SUPT3H: variants seen among roughly 807,000 people sequenced by gnomAD.
The protein encoded by SUPT3H is SPT3 homolog, SAGA and STAGA complex component.
In SUPT3H, 44 loss-of-function variants were observed where a neutral mutation model predicts 44.3. The ratio of observed to expected loss-of-function variants is 0.99; its 90% CI spans 0.78 to 1.28. The LOEUF (loss-of-function observed/expected upper bound fraction) is 1.28, where lower values mean the gene tolerates loss of function less well. Among genes scored for constraint, SUPT3H ranks in the 50% most tolerant of loss-of-function variants. The pLI is 0.00. For missense variants in SUPT3H, 380 were observed against 387.1 expected (o/e 0.98, Z 0.15); for synonymous variants, 124 against 125.6 (o/e 0.99, Z 0.09).
chr6:45,367,351 C>G (rs903929829), intron 1 of SUPT3H, among the ~76,000 whole-genome samples: 3 of 151,956 alleles, frequency 2.0e-5, no homozygotes, highest in Non-Finnish European at 2.9e-5. Flanking sequence ...AAGACCATCG[C>G]TTTTTTTAAG....
intron 3 of SUPT3H, among the ~76,000 whole-genome samples, chr6:45,057,820 G>C (rs2153540114): frequency 6.6e-6 from 1 of 152,242 alleles, no homozygotes; most frequent in East Asian, 1.9e-4. Context: ...GAAAGCCACA[G>C]TGTGAGGGGG....
intron 2 of SUPT3H, among the ~76,000 whole-genome samples, chr6:45,118,093 C>T (rs1204676775): frequency 1.3e-5 from 2 of 151,910 alleles, no homozygotes; most frequent in African/African-American, 4.8e-5. Flanking sequence ...AGTATAAAGT[C>T]TATAACTTAA....
intron 10 of SUPT3H, among the ~76,000 whole-genome samples, chr6:44,872,547 A>G (rs1437758714): frequency 6.6e-6 from 1 of 152,170 alleles, no homozygotes; most frequent in African/African-American, 2.4e-5. Context: ...CAAAATCATG[A>G]CAAAATGTAA....
intron 6 of SUPT3H, among the ~76,000 whole-genome samples, chr6:44,970,703 G>A (rs1777448492): frequency 6.6e-6 from 1 of 151,942 alleles, no homozygotes. Context: ...ATAATATCTA[G>A]ATGAGCTGAA....
intron 10 of SUPT3H, among the ~76,000 whole-genome samples, chr6:44,903,497 TG>T (rs1350641246): frequency 6.6e-6 from 1 of 152,192 alleles, no homozygotes; most frequent in Non-Finnish European, 1.5e-5. Flanking sequence ...TTTGAATCTC[TG>T]AATAGACCAA....
chr6:45,305,555 T>C (rs934044574), intron 2 of SUPT3H, among the ~76,000 whole-genome samples: 2 of 152,370 alleles, frequency 1.3e-5, no homozygotes, highest in South Asian at 2.1e-4. Flanking sequence ...CCTTTCTTTA[T>C]GTGGTTTTAG....
intron 10 of SUPT3H, among the ~76,000 whole-genome samples, chr6:44,842,470 A>G (rs1433215367): frequency 1.3e-5 from 2 of 152,182 alleles, no homozygotes; most frequent in African/African-American, 4.8e-5. Context: ...AAGTGGTATC[A>G]GTGTCAGGAC....
chr6:44,842,513 T>C (rs1483728748), intron 10 of SUPT3H, among the ~76,000 whole-genome samples: 3 of 152,124 alleles, frequency 2.0e-5, no homozygotes, highest in Admixed American at 1.3e-4. Context: ...TGCTGTCCAA[T>C]TGTCTTGGGA....
At chr6:44,835,234 T>C (rs1769612976) in intron 10 of SUPT3H, among the ~76,000 whole-genome samples, 1 of 152,078 alleles carries the variant, frequency 6.6e-6, no homozygotes, top group South Asian at 2.1e-4. Flanking sequence ...TGGAGCTGTT[T>C]GGAGTTGGCA....
At chr6:45,037,685 T>C (rs1191657127) in intron 3 of SUPT3H, among the ~76,000 whole-genome samples, 3 of 149,688 alleles carry the variant, frequency 2.0e-5, no homozygotes, top group Non-Finnish European at 3.0e-5. Flanking sequence ...AATTAATTAA[T>C]TAAATAAAAA....
chr6:44,937,862 A>G lies in SUPT3H; in HGVS notation c.802-5099T>C, dbSNP rs556710239. Among the ~76,000 whole-genome samples, 11 of 148,470 alleles carry G rather than the reference A, an allele frequency of 7.4e-5. No homozygotes were observed. In the South Asian group the frequency reaches 2.1e-3, roughly 29 times the overall value. ...TCCCCTGTCGGATGCACAATTTGCA[A>G]ATGTTTTCTCCCATTCTGCAGGTTC... On this transcript the variant is annotated intron_variant, in intron 9 of 10. Transcript: ENST00000371459.
chr6:44,862,934 G>A (rs1009837076), intron 10 of SUPT3H, among the ~76,000 whole-genome samples: 2 of 151,980 alleles, frequency 1.3e-5, no homozygotes, highest in Admixed American at 6.6e-5. Flanking sequence ...TCTCTTTGAC[G>A]GCATATTCTC....
intron 2 of SUPT3H, among the ~76,000 whole-genome samples, chr6:45,255,253 T>A (rs1054624164): frequency 2.6e-5 from 4 of 152,090 alleles, no homozygotes; most frequent in African/African-American, 4.8e-5. Context: ...ATTCCCCGGA[T>A]AATGGGGGAC....
At chr6:45,181,337 A>G (rs1165138980) in intron 2 of SUPT3H, among the ~76,000 whole-genome samples, 1 of 151,516 alleles carries the variant, frequency 6.6e-6, no homozygotes, top group Non-Finnish European at 1.5e-5. Flanking sequence ...AACTAGGAAT[A>G]CCATTTGACC....
At chr6:44,966,387 T>C (rs1392533830) in intron 6 of SUPT3H, among the ~76,000 whole-genome samples, 3 of 150,836 alleles carry the variant, frequency 2.0e-5, no homozygotes, top group East Asian at 3.8e-4. Flanking sequence ...TTCTTTGAGA[T>C]GGTTTTATAA....
chr6:45,293,480 C>A (rs1375384599), intron 2 of SUPT3H, among the ~76,000 whole-genome samples: 1 of 151,566 alleles, frequency 6.6e-6, no homozygotes, highest in East Asian at 1.9e-4. Context: ...AAGTAAATAA[C>A]CAAGATCAGA....
Position 44,869,765 on chromosome 6 carries a change from G to A in SUPT3H, c.913-39908C>T, listed in dbSNP as rs114321185. On this transcript the variant is annotated intron_variant, in intron 10 of 10. Transcript: ENST00000371459. ...ATAACCACTAGTTAGGAAGTCCCTA[G>A]GAAGTACCTTCTGACTGCTAAGAAT... Among the ~76,000 whole-genome samples, 390 of 152,242 alleles carry A rather than the reference G, an allele frequency of 2.6e-3. 3 individuals carry two copies. The highest frequency in any genetic ancestry group is 8.6e-3 in the African/African-American group (356 of 41,536).
At chr6:45,229,856 T>C (rs1424547583) in intron 2 of SUPT3H, among the ~76,000 whole-genome samples, 1 of 152,188 alleles carries the variant, frequency 6.6e-6, no homozygotes, top group Non-Finnish European at 1.5e-5. Context: ...TCTAGTTACT[T>C]TGAAATATAT....
intron 2 of SUPT3H, among the ~76,000 whole-genome samples, chr6:45,230,686 A>ATATATATATATATATTTTTTT (rs796866510): frequency 8.6e-6 from 1 of 116,794 alleles, no homozygotes; most frequent in African/African-American, 3.1e-5. Context: ...ATATATATAT[A>ATATATATATATATATTTTTTT]TTTTTGAGAT....
Sources: gnomAD v4.1 joint callset for allele counts (sites outside exome capture counted in the v4.1 genomes callset) on GRCh38, gnomAD v4.1.1 for gene constraint, MANE v1.5 for transcripts, NCBI Gene and HGNC (gene_info 2026-07-23, HGNC 2026-07-21) for gene names.